Variants in LRFN2 observed in about 807,000 individuals in gnomAD.
LRFN2 encodes leucine rich repeat and fibronectin type III domain containing 2.
A neutral mutation model predicts 37.3 loss-of-function variants in LRFN2; 18 were observed. The observed-to-expected ratio is 0.48, with a 90% confidence interval of 0.33 to 0.72. LRFN2 has a LOEUF of 0.72. LRFN2 is among the 30% of genes least tolerant of loss of function. The pLI, the probability that LRFN2 is intolerant of heterozygous loss-of-function variation, is 0.02. For synonymous variants in LRFN2, 556 were observed against 466.6 expected, an observed-to-expected ratio of 1.19 and a Z score of -2.47; for missense variants, 1,006 against 1,060.7, an observed-to-expected ratio of 0.95 and a Z score of 0.72.
At chr6:40,537,949 C>G (rs150866715) in intron 1 of LRFN2, among the ~76,000 whole-genome samples, 162 of 152,160 alleles carry the variant, frequency 1.1e-3, no homozygotes, top group South Asian at 5.0e-3. Flanking sequence ...AGGAGCATGG[C>G]CCATGCAGCC....
intron 1 of LRFN2, among the ~76,000 whole-genome samples, chr6:40,492,099 T>A (rs968725876): frequency 6.6e-6 from 1 of 152,228 alleles, no homozygotes; most frequent in Non-Finnish European, 1.5e-5. Context: ...TGTGTTTCCC[T>A]CTCTGGAAAA....
At chr6:40,399,523 C>T (rs913018358) in intron 2 of LRFN2, among the ~76,000 whole-genome samples, 7 of 150,140 alleles carry the variant, frequency 4.7e-5, no homozygotes, top group South Asian at 2.1e-4. Flanking sequence ...CTGCAACCTC[C>T]GCCTCAGGGG....
In LRFN2 at chr6:40,581,879, C is replaced by T. The variant is rs1767411274; in HGVS notation, c.-19+5062G>A. Reference sequence around the variant, plus strand: ...AGAGAGAGTCATGTAATATCAAGGCCTACTTTACAATTATTCTGAAGTAGG... The same window carrying T: ...AGAGAGAGTCATGTAATATCAAGGCTTACTTTACAATTATTCTGAAGTAGG... On this transcript the variant is annotated intron_variant, in intron 1 of 2. Coordinates refer to ENST00000338305, the MANE Select transcript of LRFN2 (RefSeq NM_020737.3). Among the ~76,000 whole-genome samples, 3 of 152,204 alleles carry T rather than the reference C, an allele frequency of 2.0e-5. No individual in the cohort carries two copies. In the South Asian group the frequency reaches 6.2e-4, roughly 32 times the overall value.
chr6:40,510,083 A>G (rs1440249774), intron 1 of LRFN2, among the ~76,000 whole-genome samples: 1 of 150,570 alleles, frequency 6.6e-6, no homozygotes, highest in Non-Finnish European at 1.5e-5. Context: ...TGGGTATGCC[A>G]CGGAACACTG....
intron 1 of LRFN2, among the ~76,000 whole-genome samples, chr6:40,512,949 T>C (rs1765755257): frequency 6.6e-6 from 1 of 152,184 alleles, no homozygotes; most frequent in Non-Finnish European, 1.5e-5. Context: ...CAGTCTCCTA[T>C]CTTCCAGCTC....
At chr6:40,527,328 A>C (rs1362502005) in intron 1 of LRFN2, among the ~76,000 whole-genome samples, 2 of 152,226 alleles carry the variant, frequency 1.3e-5, no homozygotes, top group African/African-American at 4.8e-5. Flanking sequence ...GCAAGGACTA[A>C]TGTTCAATGA....
chr6:40,406,647 ACT>A (rs1581681748), intron 2 of LRFN2, among the ~76,000 whole-genome samples: 2 of 152,086 alleles, frequency 1.3e-5, no homozygotes, highest in East Asian at 3.9e-4. Context: ...GCTCTGGACA[ACT>A]CTGAGTGACT....
chr6:40,445,599 G>A (rs2113837694), intron 1 of LRFN2, among the ~76,000 whole-genome samples: 1 of 152,320 alleles, frequency 6.6e-6, no homozygotes, highest in Middle Eastern at 3.4e-3. Context: ...ATTGTGATTG[G>A]AGAGAGGTGG....
chr6:40,565,148 G>A (rs1210359858), intron 1 of LRFN2, among the ~76,000 whole-genome samples: 1 of 152,156 alleles, frequency 6.6e-6, no homozygotes, highest in Non-Finnish European at 1.5e-5. Flanking sequence ...AATCATTATA[G>A]AAATCGCTAA....
At chr6:40,507,822 T>C (rs1313054207) in intron 1 of LRFN2, among the ~76,000 whole-genome samples, 3 of 152,238 alleles carry the variant, frequency 2.0e-5, no homozygotes. Flanking sequence ...AGATTCTATC[T>C]GAATCTGATT....
At chr6:40,580,241 C>T (rs781010014) in intron 1 of LRFN2, among the ~76,000 whole-genome samples, 6 of 152,186 alleles carry the variant, frequency 3.9e-5, no homozygotes, top group Non-Finnish European at 5.9e-5. Context: ...TGGGCTGCCC[C>T]AGGGTGGCAT....
rs1158572189 is a variant in LRFN2 at position 40,435,040 on chromosome 6, TATATATATATATAG to T, written c.-18-1923_-18-1910del. On this transcript the variant is annotated intron_variant, in intron 1 of 2. Transcript: ENST00000338305. ...ATATATATATATATATATATATATA[TATATATATATATAG>T]AGAGAGAGAGAGAGAGAGAGAGAGA... Among the ~76,000 whole-genome samples, 179 of 93,682 alleles carry T rather than the reference TATATATATATATAG, an allele frequency of 1.9e-3. 1 individual carries two copies. Among genetic ancestry groups the T allele is most frequent in the African/African-American group, 5.2e-3 (110 of 21,198 alleles). The allele number at this position is 93,682 out of a possible 152,430, so 61.5% of individuals were successfully genotyped here. A position where few individuals can be genotyped will look rare whatever the true frequency, so the allele number is the denominator to read the frequency against.
chr6:40,504,440 G>A (rs188328862), intron 1 of LRFN2, among the ~76,000 whole-genome samples: 29 of 152,178 alleles, frequency 1.9e-4, no homozygotes, highest in African/African-American at 4.3e-4. Context: ...CCAATCCTCC[G>A]GTCACAACAA....
chr6:40,416,325 T>G, intron 2 of LRFN2, among the ~76,000 whole-genome samples: 1 of 151,782 alleles, frequency 6.6e-6, no homozygotes, highest in Non-Finnish European at 1.5e-5. Flanking sequence ...GTGTAACATT[T>G]TAGCCAGTGG....
chr6:40,498,076 G>A (rs1765277343), intron 1 of LRFN2, among the ~76,000 whole-genome samples: 1 of 152,142 alleles, frequency 6.6e-6, no homozygotes, highest in African/African-American at 2.4e-5. Flanking sequence ...AGAAGACAAG[G>A]TCTCGGCTGT....
intron 1 of LRFN2, among the ~76,000 whole-genome samples, chr6:40,523,404 C>A (rs376119): frequency 0.69 from 105,060 of 151,818 alleles, 37,658 homozygotes; most frequent in African/African-American, 0.88. Context: ...TGGGCCTCAG[C>A]CCCATTGATC....
At position 40,392,254 on chromosome 6, in the gene LRFN2, A is replaced by T; in HGVS notation, c.2059T>A (p.Ser687Thr). Residue 687 changes from serine (S) to threonine (T), a missense_variant, in exon 3 of 3, where the codon TCG (serine) becomes ACG (threonine). Ser to Thr is a moderately conservative substitution (Grantham distance 58). Transcript: ENST00000338305. The surrounding 1 kb of genome is among the most constrained non-coding windows in gnomAD (Gnocchi z 4.7). ...CGGTCCGAGTGGTGGCCCCGGGCCG[A>T]CGTCCCAGCCCCTCTCCCGGCTGGA... is the stretch of plus-strand genomic sequence containing the variant. ...RTPAGRGAGT[S>T]ARGHHSDREP... is the part of the protein sequence containing the mutation. 1 of 1,585,448 alleles carries T rather than the reference A, an allele frequency of 6.3e-7. No homozygotes were observed. The highest frequency in any genetic ancestry group is 8.6e-7 in the Non-Finnish European group (1 of 1,167,938).
rs372963472 is a variant in LRFN2 at position 40,431,703 on chromosome 6, C to T, written c.1400+11G>A. ...ACACCCTCCCTGCCTTTGCCACAGC[C>T]GCTTGCTCACCTGTAAATCAGTACC... On this transcript the variant is annotated intron_variant, in intron 2 of 2. Transcript: ENST00000338305. The T allele has an allele frequency of 9.3e-6, 14 of 1,505,530 alleles. No individual in the cohort carries two copies. Among genetic ancestry groups the T allele is most frequent in the Middle Eastern group, 1.8e-4 (1 of 5,468 alleles). 93.3% of individuals were successfully genotyped at this position (1,505,530 alleles called of 1,614,324 possible). A position where few individuals can be genotyped will look rare whatever the true frequency, so the allele number is the denominator to read the frequency against.
At chr6:40,545,477 C>T (rs1766643025) in intron 1 of LRFN2, among the ~76,000 whole-genome samples, 1 of 152,086 alleles carries the variant, frequency 6.6e-6, no homozygotes, top group Non-Finnish European at 1.5e-5. Context: ...ATTTGTATTC[C>T]CCTCTCTCTC....
Sources: gnomAD v4.1 joint callset for allele counts (sites outside exome capture counted in the v4.1 genomes callset) on GRCh38, gnomAD v4.1.1 for gene constraint, Gnocchi (gnomAD v3.1) non-coding constraint, MANE v1.5 for transcripts, NCBI Gene and HGNC (gene_info 2026-07-23, HGNC 2026-07-21) for gene names.